The following PLPP3 variants were observed in gnomAD, a reference collection of about 807,000 sequenced individuals.
PLPP3 encodes the protein PAP2 beta.
A neutral mutation model predicts 29.6 loss-of-function variants in PLPP3; 6 were observed. The observed-to-expected ratio is 0.20, with a 90% confidence interval of 0.11 to 0.40. The LOEUF (loss-of-function observed/expected upper bound fraction) is 0.40. PLPP3 is among the 10% of genes least tolerant of loss of function. The probability of loss-of-function intolerance (pLI) is 1.00; values close to 1 mark genes in which losing one functional copy is unlikely to be tolerated. For missense variants in PLPP3, 308 were observed against 407.7 expected (o/e 0.76, Z 2.11); for synonymous variants, 152 against 159.7 (o/e 0.95, Z 0.36).
chr1:56,507,016 T>C (rs888414949), intron 5 of PLPP3, among the ~76,000 whole-genome samples: 9 of 152,236 alleles, frequency 5.9e-5, no homozygotes, highest in Non-Finnish European at 1.3e-4. Context: ...TTTCTGTCTG[T>C]GCTGGCTTCC....
At chr1:56,567,889 C>G (rs990980772) in intron 1 of PLPP3, among the ~76,000 whole-genome samples, 1 of 151,962 alleles carries the variant, frequency 6.6e-6, no homozygotes, top group Non-Finnish European at 1.5e-5. Flanking sequence ...TGGAAATCAC[C>G]CAAATGTTCA....
At chr1:56,526,628 G>A (rs935589892) in intron 2 of PLPP3, among the ~76,000 whole-genome samples, 1 of 152,126 alleles carries the variant, frequency 6.6e-6, no homozygotes, top group African/African-American at 2.4e-5. Context: ...TGAACTAGGA[G>A]TCAAGTAGCC....
intron 1 of PLPP3, among the ~76,000 whole-genome samples, chr1:56,547,773 G>T (rs1195747411): frequency 6.6e-6 from 1 of 152,126 alleles, no homozygotes; most frequent in Non-Finnish European, 1.5e-5. Context: ...GGGAATTTCT[G>T]CCCTAAAGAC....
At position 56,579,327 on chromosome 1, in the gene PLPP3, G is replaced by C. The variant is rs1276653202; in HGVS notation, c.-311C>G. 3.0e-6 allele frequency: 1 copy of C among 329,622 alleles called. No homozygotes were observed. Among genetic ancestry groups the C allele is most frequent in the African/African-American group, 2.3e-5 (1 of 44,422 alleles). 20.4% of individuals were successfully genotyped at this position (329,622 alleles called of 1,614,324 possible). A position where few individuals can be genotyped will look rare whatever the true frequency, so the allele number is the denominator to read the frequency against. Reference sequence around the variant, plus strand: ...GCTGCGCAGCTTGGGGCGCGCTGTTGTGGCGCGCGTCTGAGTGCGCGAGCG... The same window carrying C: ...GCTGCGCAGCTTGGGGCGCGCTGTTCTGGCGCGCGTCTGAGTGCGCGAGCG... On this transcript the variant is annotated 5_prime_UTR_variant, in exon 1 of 6. Transcript: ENST00000371250.
chr1:56,497,935 C>T, intron 5 of PLPP3, among the ~76,000 whole-genome samples: 1 of 152,012 alleles, frequency 6.6e-6, no homozygotes, highest in Non-Finnish European at 1.5e-5. Flanking sequence ...GGCTAGAAGG[C>T]AAAGGTGAAA....
chr1:56,556,381 T>C (rs1042904958), intron 1 of PLPP3, among the ~76,000 whole-genome samples: 1 of 152,184 alleles, frequency 6.6e-6, no homozygotes, highest in African/African-American at 2.4e-5. Context: ...GATCAAGTAA[T>C]GATAAAATAA....
At chr1:56,568,288 C>T (rs1410053152) in intron 1 of PLPP3, among the ~76,000 whole-genome samples, 1 of 152,154 alleles carries the variant, frequency 6.6e-6, no homozygotes, top group African/African-American at 2.4e-5. Context: ...ACCAATGAAT[C>T]GTGTGCTTTA....
rs968099418 is a variant in PLPP3 at position 56,524,870 on chromosome 1, T to C, written c.298-316A>G. On this transcript the variant is annotated intron_variant, in intron 2 of 5. Coordinates refer to ENST00000371250, the MANE Select transcript of PLPP3 (RefSeq NM_003713.5). The surrounding 1 kb of genome is among the most constrained non-coding windows in gnomAD (Gnocchi z 4.3). ...TAAGGGAGAGACAAGAACTTAACTATAGAAAAGAAATACTAAATGAAGAAT... is the reference window on the plus strand; with the variant it reads ...TAAGGGAGAGACAAGAACTTAACTACAGAAAAGAAATACTAAATGAAGAAT... Among the ~76,000 whole-genome samples, 1 of 151,772 alleles carries C rather than the reference T, an allele frequency of 6.6e-6. No homozygotes were observed. Among genetic ancestry groups the C allele is most frequent in the Non-Finnish European group, 1.5e-5 (1 of 67,948 alleles).
chr1:56,537,123 T>A lies in PLPP3; in HGVS notation c.140-11A>T, dbSNP rs1281925327. Reference sequence around the variant, plus strand: ...GGAAGGGGAGGCCCGCTGGTCCAGGTGGAACCATGGCATATACCAGAAAAA... The same window carrying A: ...GGAAGGGGAGGCCCGCTGGTCCAGGAGGAACCATGGCATATACCAGAAAAA... On this transcript the variant is annotated splice_polypyrimidine_tract_variant and intron_variant, in intron 1 of 5. Coordinates refer to ENST00000371250, the MANE Select transcript of PLPP3 (RefSeq NM_003713.5). 1 of 1,612,198 alleles carries A rather than the reference T, an allele frequency of 6.2e-7. No individual in the cohort carries two copies. Among genetic ancestry groups the A allele is most frequent in the Non-Finnish European group, 8.5e-7 (1 of 1,179,298 alleles).
chr1:56,502,061 C>A (rs545695628), intron 5 of PLPP3, among the ~76,000 whole-genome samples: 1 of 152,294 alleles, frequency 6.6e-6, no homozygotes, highest in African/African-American at 2.4e-5. Flanking sequence ...TGGGGTGCTG[C>A]CTGCCTAGAG....
intron 1 of PLPP3, among the ~76,000 whole-genome samples, chr1:56,575,795 T>TA (rs150890083): frequency 0.012 from 1,802 of 152,284 alleles, 46 homozygotes; most frequent in African/African-American, 0.042. Context: ...TGAATTTATA[T>TA]AAAAAAGAGA....
chr1:56,571,709 C>CTT (rs1646199844), intron 1 of PLPP3, among the ~76,000 whole-genome samples: 1 of 152,088 alleles, frequency 6.6e-6, no homozygotes, highest in Non-Finnish European at 1.5e-5. Flanking sequence ...CAATAATATC[C>CTT]TTAAGACCAA....
chr1:56,572,522 C>G lies in PLPP3; in HGVS notation c.139+6356G>C, dbSNP rs114876355. Among the ~76,000 whole-genome samples, 642 of 152,244 alleles carry G rather than the reference C, an allele frequency of 4.2e-3. 6 individuals carry two copies. Among genetic ancestry groups the G allele is most frequent in the African/African-American group, 0.015 (615 of 41,530 alleles). On this transcript the variant is annotated intron_variant, in intron 1 of 5. Coordinates refer to ENST00000371250, the MANE Select transcript of PLPP3 (RefSeq NM_003713.5). ...TTGTCCCTTTCAAAGGGGAAGAATG[C>G]AACCACCAAAGCCTATTGAGGTTCC...
chr1:56,552,811 A>G (rs1646049773), intron 1 of PLPP3, among the ~76,000 whole-genome samples: 1 of 152,232 alleles, frequency 6.6e-6, no homozygotes, highest in Non-Finnish European at 1.5e-5. Flanking sequence ...TATGGCTTCA[A>G]GATACAGGAG....
At chr1:56,563,052 C>T (rs1646140975) in intron 1 of PLPP3, among the ~76,000 whole-genome samples, 1 of 152,126 alleles carries the variant, frequency 6.6e-6, no homozygotes, top group African/African-American at 2.4e-5. Flanking sequence ...GAGGAAGAGC[C>T]CTTGCTATGA....
intron 2 of PLPP3, among the ~76,000 whole-genome samples, chr1:56,526,155 A>G (rs769105659): frequency 3.9e-5 from 6 of 152,186 alleles, no homozygotes; most frequent in Admixed American, 6.5e-5. Context: ...TTCCTGAGAG[A>G]GCAAAACTAG....
intron 2 of PLPP3, among the ~76,000 whole-genome samples, chr1:56,532,503 C>G (rs189596748): frequency 6.6e-6 from 1 of 152,138 alleles, no homozygotes; most frequent in African/African-American, 2.4e-5. Context: ...TAATGAAGTC[C>G]AGATGTGGGC....
intron 1 of PLPP3, among the ~76,000 whole-genome samples, chr1:56,548,312 C>G (rs777226537): frequency 6.6e-6 from 1 of 152,204 alleles, no homozygotes; most frequent in South Asian, 2.1e-4. Context: ...CAATACAAAC[C>G]TTGAAAGCTG....
At chr1:56,544,822 C>A (rs1311443176) in intron 1 of PLPP3, among the ~76,000 whole-genome samples, 2 of 152,162 alleles carry the variant, frequency 1.3e-5, no homozygotes, top group Non-Finnish European at 2.9e-5. Flanking sequence ...CAAGGCTCCT[C>A]TTTAGATGTT....
Sources: allele counts gnomAD v4.1 joint callset (sites outside exome capture counted in the v4.1 genomes callset), GRCh38; gene constraint gnomAD v4.1.1; non-coding constraint Gnocchi (gnomAD v3.1); transcripts MANE v1.5; gene names NCBI Gene and HGNC (gene_info 2026-07-23, HGNC 2026-07-21).